The following CPLANE1 variants were observed in gnomAD, a reference collection of about 807,000 sequenced individuals.
CPLANE1 encodes the protein ciliogenesis and planar polarity effector complex subunit 1, also known as ciliogenesis and planar polarity effector 1.
CPLANE1 carries 263 observed loss-of-function variants against 362.5 expected under a neutral mutation model. The ratio of observed to expected loss-of-function variants is 0.73; its 90% confidence interval spans 0.66 to 0.80. CPLANE1 has a LOEUF of 0.80. CPLANE1 is among the 30% of genes least tolerant of loss of function. CPLANE1 has a pLI of 0.00. For synonymous variants in CPLANE1, 1,212 were observed against 1,302.6 expected (o/e 0.93, Z 1.50); for missense variants, 3,461 against 3,793.4 (o/e 0.91, Z 2.30).
intron 20 of CPLANE1, 58 bp downstream of exon 20, chr5:37,198,644 T>A: frequency 6.8e-7 from 1 of 1,471,384 alleles, no homozygotes; most frequent in South Asian, 1.3e-5. Context: ...AAAACAATAA[T>A]ATAAATATGA....
chr5:37,227,242 C>T lies in CPLANE1; in HGVS notation c.1521+1G>A. 2 of 1,550,640 alleles carry T rather than the reference C, an allele frequency of 1.3e-6. No individual in the cohort carries two copies. Among genetic ancestry groups the T allele is most frequent in the Non-Finnish European group, 1.7e-6 (2 of 1,146,548 alleles). The stretch of plus-strand genomic sequence containing the variant: ...GTAAATAAAATTCTGCTGCTAAGTA[C>T]CTGAAAATCTGCTGCATTTTCATTT... On this transcript the variant is annotated splice_donor_variant, in intron 11 of 52. Transcript: ENST00000651892. LOFTEE classifies it high-confidence loss of function.
intron 43 of CPLANE1, among the ~76,000 whole-genome samples, chr5:37,144,397 T>TA (rs1176016655): frequency 0.13 from 8,484 of 67,302 alleles, 443 homozygotes; most frequent in Middle Eastern, 0.17. Flanking sequence ...AGACTTTGTC[T>TA]AAAAAAAAAA....
chr5:37,173,736 TA>T lies in CPLANE1; in HGVS notation c.6171+18del. On this transcript the variant is annotated intron_variant, in intron 32 of 52. Transcript: ENST00000651892. ...TACACTATGTGTAGATTTACTTACT[TA>T]TATAGAGATGTGCTTACCTGAACTA... The T allele has an allele frequency of 6.3e-7, 1 of 1,598,924 alleles. No individual in the cohort carries two copies. The highest frequency in any genetic ancestry group is 8.6e-7 in the Non-Finnish European group (1 of 1,167,308).
At chr5:37,105,573 T>G (rs532082052), downstream of CPLANE1, among the ~76,000 whole-genome samples, 1 of 152,194 alleles carries the variant, frequency 6.6e-6, no homozygotes, top group African/African-American at 2.4e-5. Flanking sequence ...GAAAGAAACA[T>G]TTGGGAAACA....
rs1757807641 is a variant in CPLANE1, at chr5:37,107,270, T to C, written c.*332A>G. The C allele has an allele frequency of 9.6e-7, 1 of 1,039,092 alleles. No individual in the cohort carries two copies. The highest frequency in any genetic ancestry group is 1.7e-5 in the African/African-American group (1 of 59,316). The allele number at this position is 1,039,092 out of a possible 1,614,324, so 64.4% of individuals were successfully genotyped here. Reference sequence around the variant, plus strand: ...TTGTTTCTCAAAACTCAGAGGGTAATAAAGGAGGAGGCAAGATAGAGGGTT... The same window carrying C: ...TTGTTTCTCAAAACTCAGAGGGTAACAAAGGAGGAGGCAAGATAGAGGGTT... On this transcript the variant is annotated 3_prime_UTR_variant, in exon 53 of 53. Coordinates refer to ENST00000651892, the MANE Select transcript of CPLANE1 (RefSeq NM_001384732.1).
At chr5:37,210,269 G>A (rs1052087580) in intron 16 of CPLANE1, 1 of 1,604,392 alleles carries the variant, frequency 6.2e-7, no homozygotes, top group African/African-American at 1.3e-5. Context: ...GAGAAGCAGA[G>A]CTGAAGCAAA....
chr5:37,162,563 A>G lies in CPLANE1; in HGVS notation c.7592T>C (p.Met2531Thr), dbSNP rs904884378. The G allele has an allele frequency of 1.3e-6, 2 of 1,599,568 alleles. No homozygotes were observed. Among genetic ancestry groups the G allele is most frequent in the African/African-American group, 2.7e-5 (2 of 74,534 alleles). The change falls in exon 38 of 53, where the codon ATG (methionine) becomes ACG (threonine). Residue 2531 changes from methionine (M) to threonine (T), a missense_variant. Met to Thr is a moderately conservative substitution (Grantham distance 81). Transcript: ENST00000651892. ...PLDDFDVPFE[M>T]LQDDNTSAGL... is the part of the protein sequence containing the mutation. ...AGCTGAAGTATTATCATCTTGTAGC[A>G]TTTCTTAAATATAATAAAACATTGG...
chr5:37,140,684 A>G, intron 44 of CPLANE1: 2 of 985,424 alleles, frequency 2.0e-6, no homozygotes, highest in South Asian at 4.7e-5. Context: ...AGGTGAGATT[A>G]GCGAAGATGG....
At chr5:37,176,076 T>C (rs1781087342) in intron 30 of CPLANE1, 90 bp from the exon 31 acceptor site, 4 of 803,476 alleles carry the variant, frequency 5.0e-6, no homozygotes, top group Non-Finnish European at 8.4e-6. Context: ...CATCTAAGAG[T>C]CTAAACATCC....
intron 38 of CPLANE1, among the ~76,000 whole-genome samples, chr5:37,160,863 G>T (rs1433767921): frequency 2.0e-5 from 3 of 151,828 alleles, no homozygotes; most frequent in African/African-American, 7.3e-5. Context: ...AGTAGAGATG[G>T]GGTTTCACCG....
chr5:37,109,364 C>A (rs535679049), intron 51 of CPLANE1, among the ~76,000 whole-genome samples: 1 of 152,272 alleles, frequency 6.6e-6, no homozygotes, highest in South Asian at 2.1e-4. Flanking sequence ...CTAATAAGCA[C>A]TTTTACATTC....
At chr5:37,110,581 C>CT (rs1242199639) in intron 51 of CPLANE1, among the ~76,000 whole-genome samples, 3 of 152,132 alleles carry the variant, frequency 2.0e-5, no homozygotes, top group Non-Finnish European at 4.4e-5. Flanking sequence ...CTCATTCTCC[C>CT]TTATTTATGT....
chr5:37,186,400 G>T lies in CPLANE1; in HGVS notation c.4081-6C>A. ...TTCACGAAAATTTCTGCTACCTTCAGAAAAAAAATTGTTTAAGTTTTATGA... is the reference window on the plus strand; with the variant it reads ...TTCACGAAAATTTCTGCTACCTTCATAAAAAAAATTGTTTAAGTTTTATGA... On this transcript the variant is annotated splice_polypyrimidine_tract_variant and splice_region_variant and intron_variant, in intron 23 of 52. Coordinates refer to ENST00000651892, the MANE Select transcript of CPLANE1 (RefSeq NM_001384732.1). 2 of 1,389,690 alleles carry T rather than the reference G, an allele frequency of 1.4e-6. No individual in the cohort carries two copies. The highest frequency in any genetic ancestry group is 1.0e-6 in the Non-Finnish European group (1 of 985,576). 86.1% of individuals were successfully genotyped at this position (1,389,690 alleles called of 1,614,324 possible). A position where few individuals can be genotyped will look rare whatever the true frequency, so the allele number is the denominator to read the frequency against.
chr5:37,201,006 T>C (rs1049152398), intron 19 of CPLANE1, among the ~76,000 whole-genome samples: 1 of 152,132 alleles, frequency 6.6e-6, no homozygotes, highest in Admixed American at 6.5e-5. Context: ...GTATATTTTA[T>C]AGAGACAGGG....
the CPLANE1 span, among the ~76,000 whole-genome samples, chr5:37,084,550 C>T: frequency 7.9e-5 from 12 of 152,100 alleles, no homozygotes; most frequent in African/African-American, 2.9e-4. Context: ...GAGGCCGAGT[C>T]GGGCAGATCA....
At chr5:37,089,432 T>C in the CPLANE1 span, among the ~76,000 whole-genome samples, 21,760 of 152,076 alleles carry the variant, frequency 0.14, 1,763 homozygotes, top group East Asian at 0.31. Context: ...TGTGGCTCTC[T>C]CAAGATCCGA....
At chr5:37,076,567 C>T in the CPLANE1 span, among the ~76,000 whole-genome samples, 1 of 152,050 alleles carries the variant, frequency 6.6e-6, no homozygotes, top group Non-Finnish European at 1.5e-5. Flanking sequence ...TCACCTCAAT[C>T]TCCCAAAGTG....
chr5:37,213,057 A>C (rs1793072459), intron 16 of CPLANE1, among the ~76,000 whole-genome samples: 1 of 152,194 alleles, frequency 6.6e-6, no homozygotes, highest in East Asian at 1.9e-4. Flanking sequence ...AAATACAAAA[A>C]ATTAGCCAGG....
the CPLANE1 span, among the ~76,000 whole-genome samples, chr5:37,099,607 A>G: frequency 2.0e-5 from 3 of 152,146 alleles, no homozygotes; most frequent in South Asian, 2.1e-4. Flanking sequence ...GAACATATGC[A>G]TGCATTATCT....
Sources: allele counts gnomAD v4.1 joint callset (sites outside exome capture counted in the v4.1 genomes callset), GRCh38; gene constraint gnomAD v4.1.1; transcripts MANE v1.5; gene names NCBI Gene and HGNC (gene_info 2026-07-23, HGNC 2026-07-21).